Variants in NFATC2 observed in about 807,000 individuals in gnomAD.
NFATC2 encodes the protein nuclear factor of activated T-cells, cytoplasmic 2.
A neutral mutation model predicts 87.3 loss-of-function variants in NFATC2; 22 were observed. That is an observed-to-expected ratio of 0.25 (90% CI 0.18 to 0.36). NFATC2 has a LOEUF of 0.36. Ranked by LOEUF, NFATC2 falls within the 10% of genes least tolerant of loss-of-function variation. NFATC2 has a pLI of 1.00. For synonymous variants in NFATC2, 565 were observed against 542.2 expected (o/e 1.04, Z -0.58); for missense variants, 1,149 against 1,259.1 (o/e 0.91, Z 1.32).
rs1986202486 is a variant in NFATC2 at position 51,454,636 on chromosome 20, G to A, written c.1761C>T (p.Ser587=). Residue 587 remains serine (S), a synonymous_variant, in exon 6 of 11, where the codon AGC becomes AGT. Transcript: ENST00000371564. ...TTTGCTGGCCGCCATAGACCAGGCAGCTGTCTGTGTCTTGTCTTTCAACCA... is the reference window on the plus strand; with the variant it reads ...TTTGCTGGCCGCCATAGACCAGGCAACTGTCTGTGTCTTGTCTTTCAACCA... ...LPMVERQDTD[S]CLVYGGQQMI... 1 of 1,614,116 alleles carries A rather than the reference G, an allele frequency of 6.2e-7. No individual in the cohort carries two copies. Among genetic ancestry groups the A allele is most frequent in the East Asian group, 2.2e-5 (1 of 44,890 alleles).
intron 9 of NFATC2, among the ~76,000 whole-genome samples, chr20:51,410,209 C>CAA (rs386393961): frequency 0.042 from 4,261 of 102,330 alleles, 493 homozygotes; most frequent in African/African-American, 0.13. Context: ...GACTCTGTCT[C>CAA]AAAAAAAAAA....
chr20:51,483,185 G>C (rs1989411366), intron 3 of NFATC2, among the ~76,000 whole-genome samples: 1 of 152,120 alleles, frequency 6.6e-6, no homozygotes, highest in South Asian at 2.1e-4. Context: ...AAGAACCCTT[G>C]CAAGTGGCAC....
rs145811075 is a variant in NFATC2, at chr20:51,388,969, G to T, written c.*2527C>A. On this transcript the variant is annotated 3_prime_UTR_variant, in exon 11 of 11. Transcript: ENST00000371564. ...TTGGCAAAATTTCCTCCTAGCATTT[G>T]TAACTGACAAAACTTCCTTGATAGC... 6.6e-6 allele frequency: 1 copy of T among 152,258 alleles called. No individual in the cohort carries two copies. The highest frequency in any genetic ancestry group is 1.9e-4 in the East Asian group (1 of 5,190). The allele number at this position is 152,258 out of a possible 1,614,324, so 9.4% of individuals were successfully genotyped here.
intron 9 of NFATC2, among the ~76,000 whole-genome samples, chr20:51,421,840 C>T (rs2146303537): frequency 6.6e-6 from 1 of 152,052 alleles, no homozygotes; most frequent in East Asian, 1.9e-4. Flanking sequence ...TTGGCCGCTC[C>T]TTTTCCAAGT....
At chr20:51,407,627 C>T (rs530294988) in intron 9 of NFATC2, among the ~76,000 whole-genome samples, 3 of 152,302 alleles carry the variant, frequency 2.0e-5, no homozygotes, top group Admixed American at 1.3e-4. Flanking sequence ...TCATGCTGCA[C>T]TCCTGCCTGG....
At chr20:51,441,865 G>A (rs1162040945) in intron 6 of NFATC2, among the ~76,000 whole-genome samples, 1 of 152,190 alleles carries the variant, frequency 6.6e-6, no homozygotes, top group Non-Finnish European at 1.5e-5. Context: ...AGAATTTGGA[G>A]TCTTGCATTG....
At position 51,562,416 on chromosome 20, in the gene NFATC2, C is replaced by T. The variant is rs965322499; in HGVS notation, c.70+144G>A. On this transcript the variant is annotated intron_variant, in intron 1 of 10. Transcript: ENST00000414705. The surrounding 1 kb of genome is among the most constrained non-coding windows in gnomAD (Gnocchi z 5.8). ...GGGCGCCCCTCCGCGGGCCCCGCTA[C>T]CTGTGCGCCGAGGGCGAGCGGGGTC... 5.6e-6 allele frequency: 4 copies of T among 713,298 alleles called. No individual in the cohort carries two copies. In the African/African-American group the frequency reaches 7.2e-5, roughly 13 times the overall value. 44.2% of individuals were successfully genotyped at this position (713,298 alleles called of 1,614,324 possible).
chr20:51,422,283 T>C (rs1981048524), intron 9 of NFATC2, among the ~76,000 whole-genome samples: 2 of 152,214 alleles, frequency 1.3e-5, no homozygotes, highest in African/African-American at 4.8e-5. Flanking sequence ...ATTTTATGAC[T>C]GTTTAAAGGG....
chr20:51,560,538 C>G (rs2077012294), intron 1 of NFATC2, among the ~76,000 whole-genome samples: 1 of 152,220 alleles, frequency 6.6e-6, no homozygotes, highest in Non-Finnish European at 1.5e-5. Context: ...TTAACGACCC[C>G]ACCCATTGGA....
chr20:51,443,368 CT>C, intron 6 of NFATC2, among the ~76,000 whole-genome samples: 1 of 152,316 alleles, frequency 6.6e-6, no homozygotes, highest in African/African-American at 2.4e-5. Context: ...TCAATTAATA[CT>C]GGCTGAATAA....
intron 5 of NFATC2, among the ~76,000 whole-genome samples, chr20:51,473,354 G>A (rs1988412387): frequency 6.6e-6 from 1 of 152,080 alleles, no homozygotes; most frequent in Admixed American, 6.5e-5. Context: ...GTGGGGGACA[G>A]GGCATGGGTG....
intron 10 of NFATC2, 29 bp from the exon 11 acceptor site, chr20:51,391,480 G>C (rs1170358436): frequency 2.7e-6 from 4 of 1,508,016 alleles, no homozygotes; most frequent in Admixed American, 1.7e-5. Context: ...GGGGGGGGGA[G>C]AGAGAATGGG....
At chr20:51,547,562 G>A (rs2076899337), upstream of NFATC2, among the ~76,000 whole-genome samples, 1 of 152,008 alleles carries the variant, frequency 6.6e-6, no homozygotes, top group African/African-American at 2.4e-5. Context: ...TCTACAACCT[G>A]GGCCTCTCCA....
chr20:51,435,380 C>T (rs1332550059), intron 7 of NFATC2, 66 bp from the exon 8 acceptor site: 15 of 1,603,294 alleles, frequency 9.4e-6, no homozygotes, highest in African/African-American at 2.7e-5. Context: ...AGACCCTAAG[C>T]GCATCCAGGC....
At chr20:51,404,631 G>C (rs1988378306) in intron 9 of NFATC2, among the ~76,000 whole-genome samples, 1 of 152,222 alleles carries the variant, frequency 6.6e-6, no homozygotes, top group Non-Finnish European at 1.5e-5. Flanking sequence ...TTAACAGACT[G>C]AATTGATGAT....
At chr20:51,541,928 G>A (rs2076823887) in intron 1 of NFATC2, among the ~76,000 whole-genome samples, 2 of 152,124 alleles carry the variant, frequency 1.3e-5, no homozygotes, top group Admixed American at 6.5e-5. Context: ...ACTGGGTTCA[G>A]CTGCACCCCC....
At chr20:51,411,546 G>C (rs1003379993) in intron 9 of NFATC2, among the ~76,000 whole-genome samples, 3 of 16,392 alleles carry the variant, frequency 1.8e-4, no homozygotes, top group African/African-American at 5.2e-4. Context: ...TTTTTTTTTT[G>C]AGACAGAGTC....
intron 9 of NFATC2, chr20:51,399,278 C>G (rs75453073): frequency 6.5e-6 from 1 of 153,590 alleles, no homozygotes; most frequent in South Asian, 2.0e-4. Context: ...ATCAGAACAA[C>G]GAAGGCACTT....
chr20:51,540,868 T>C (rs1373402152), intron 1 of NFATC2, among the ~76,000 whole-genome samples: 3 of 151,970 alleles, frequency 2.0e-5, no homozygotes, highest in Non-Finnish European at 4.4e-5. Context: ...GGTGTGAGTA[T>C]TCGTTCCCTG....
Sources: allele counts gnomAD v4.1 joint callset (sites outside exome capture counted in the v4.1 genomes callset), GRCh38; gene constraint gnomAD v4.1.1; non-coding constraint Gnocchi (gnomAD v3.1); transcripts MANE v1.5; gene names NCBI Gene and HGNC (gene_info 2026-07-23, HGNC 2026-07-21).